The following VTI1A variants were observed in gnomAD, a reference collection of about 807,000 sequenced individuals.
The protein encoded by VTI1A is vesicle transport through interaction with t-SNAREs 1A.
A neutral mutation model predicts 34.9 loss-of-function variants in VTI1A; 22 were observed. That is an observed-to-expected ratio of 0.63 (90% CI 0.45 to 0.90). The LOEUF (loss-of-function observed/expected upper bound fraction) is 0.90, where lower values mean the gene tolerates loss of function less well. Among genes scored for constraint, VTI1A ranks in the 40% least tolerant of loss-of-function variants. VTI1A has a pLI of 0.00. For synonymous variants in VTI1A, 87 were observed against 97.3 expected (o/e 0.89, Z 0.62); for missense variants, 268 against 275.6 (o/e 0.97, Z 0.20).
At chr10:112,765,691 G>C (rs1337775752) in intron 7 of VTI1A, among the ~76,000 whole-genome samples, 2 of 152,196 alleles carry the variant, frequency 1.3e-5, no homozygotes, top group African/African-American at 4.8e-5. Context: ...AAATTTGAAA[G>C]TAATTGTGAT....
chr10:112,792,697 C>A (rs759636439), intron 7 of VTI1A, among the ~76,000 whole-genome samples: 33 of 152,264 alleles, frequency 2.2e-4, no homozygotes, highest in Admixed American at 4.6e-4. Context: ...CAGCCCGTAT[C>A]AATGAAGCCT....
At chr10:112,684,467 C>G (rs1848332422) in intron 7 of VTI1A, among the ~76,000 whole-genome samples, 1 of 126,406 alleles carries the variant, frequency 7.9e-6, no homozygotes, top group Non-Finnish European at 1.6e-5. Context: ...GAGACAGAGT[C>G]TCATTCTGTC....
At chr10:112,719,548 C>CTT (rs759646217) in intron 7 of VTI1A, among the ~76,000 whole-genome samples, 19 of 144,534 alleles carry the variant, frequency 1.3e-4, no homozygotes, top group Non-Finnish European at 2.7e-4. Flanking sequence ...AATTGTAGAA[C>CTT]TTTTTTTTTT....
chr10:112,836,002 T>C, the VTI1A span, among the ~76,000 whole-genome samples: 3 of 152,358 alleles, frequency 2.0e-5, no homozygotes, highest in Non-Finnish European at 4.4e-5. Context: ...TAATGACATT[T>C]GAGCCTGCAA....
chr10:112,668,348 C>G, intron 6 of VTI1A, 60 bp downstream of exon 6: 1 of 1,535,438 alleles, frequency 6.5e-7, no homozygotes, highest in Non-Finnish European at 8.9e-7. Context: ...AAATGAAAGG[C>G]ATTGGGACAT....
At chr10:112,453,052 T>C (rs1239322601) in intron 1 of VTI1A, among the ~76,000 whole-genome samples, 1 of 152,218 alleles carries the variant, frequency 6.6e-6, no homozygotes, top group Non-Finnish European at 1.5e-5. Flanking sequence ...CTCATGGCTA[T>C]GACAGTTTCT....
chr10:112,830,849 A>ATATATATATATATATATATT, the VTI1A span, among the ~76,000 whole-genome samples: 39 of 33,472 alleles, frequency 1.2e-3, no homozygotes, highest in East Asian at 3.0e-3. Flanking sequence ...ATATATATAT[A>ATATATATATATATATATATT]TTTTTTTTTT....
rs138274729 is a variant in VTI1A, at chr10:112,739,795, G to A, written c.560+70797G>A. Among the ~76,000 whole-genome samples, 8 of 152,352 alleles carry A rather than the reference G, an allele frequency of 5.3e-5. No homozygotes were observed. In the East Asian group the frequency reaches 1.5e-3, roughly 29 times the overall value. Reference sequence around the variant, plus strand: ...CTATTGAACTGCCATCCAGATGTGTGTGGAGTTAACTGTGGGAATGTCCAC... The same window carrying A: ...CTATTGAACTGCCATCCAGATGTGTATGGAGTTAACTGTGGGAATGTCCAC... On this transcript the variant is annotated intron_variant, in intron 7 of 7. Transcript: ENST00000393077.
the VTI1A span, among the ~76,000 whole-genome samples, chr10:112,833,855 A>AAGCATTTTT: frequency 2.0e-5 from 3 of 151,822 alleles, no homozygotes; most frequent in African/African-American, 7.3e-5. Flanking sequence ...AAATGCAGTA[A>AAGCATTTTT]CTTCAAATTA....
At chr10:112,810,766 C>G (rs1853252878) in intron 7 of VTI1A, among the ~76,000 whole-genome samples, 1 of 152,214 alleles carries the variant, frequency 6.6e-6, no homozygotes, top group South Asian at 2.1e-4. Flanking sequence ...CACTGTAGAT[C>G]TGCTGTACAC....
rs1001876038 is a variant in VTI1A, at chr10:112,817,211, T to C, written c.*1828T>C. 5.6e-5 allele frequency: 13 copies of C among 232,396 alleles called. No individual in the cohort carries two copies. The highest frequency in any genetic ancestry group is 1.0e-4 in the Non-Finnish European group (12 of 117,554). The allele number at this position is 232,396 out of a possible 1,614,324, so 14.4% of individuals were successfully genotyped here. A position where few individuals can be genotyped will look rare whatever the true frequency, so the allele number is the denominator to read the frequency against. On this transcript the variant is annotated 3_prime_UTR_variant, in exon 8 of 8. Transcript: ENST00000393077. ...GTATTACACCAGCCCCTCTGGTGGC[T>C]TCCTTCAAAACTGTTGATCTTAGCT... is the stretch of plus-strand genomic sequence containing the variant.
chr10:112,687,592 G>A (rs1848463085), intron 7 of VTI1A, among the ~76,000 whole-genome samples: 1 of 151,800 alleles, frequency 6.6e-6, no homozygotes. Flanking sequence ...ACCCAGTTTT[G>A]CTTTAGGGAA....
At chr10:112,842,612 G>T in the VTI1A span, among the ~76,000 whole-genome samples, 6 of 152,276 alleles carry the variant, frequency 3.9e-5, no homozygotes, top group African/African-American at 1.4e-4. Flanking sequence ...CTGTATAAAG[G>T]TCCTTCAGCT....
intron 7 of VTI1A, among the ~76,000 whole-genome samples, chr10:112,676,972 G>A (rs1340536629): frequency 1.3e-5 from 2 of 152,136 alleles, no homozygotes; most frequent in Non-Finnish European, 2.9e-5. Context: ...GCTCTTGCCA[G>A]CATCTCAGTA....
the VTI1A span, among the ~76,000 whole-genome samples, chr10:112,838,226 C>T: frequency 2.0e-5 from 3 of 152,172 alleles, no homozygotes; most frequent in Non-Finnish European, 4.4e-5. Context: ...CCAAGACAGC[C>T]CCAGGTGGCT....
chr10:112,717,378 C>T (rs1849646030), intron 7 of VTI1A, among the ~76,000 whole-genome samples: 1 of 152,134 alleles, frequency 6.6e-6, no homozygotes, highest in African/African-American at 2.4e-5. Context: ...AGCAGTCTCT[C>T]AGGATTTTGG....
intron 7 of VTI1A, among the ~76,000 whole-genome samples, chr10:112,700,512 CTAAG>C (rs1848973314): frequency 6.6e-6 from 1 of 152,200 alleles, no homozygotes. Context: ...GGTGAGGAAA[CTAAG>C]GCCTCAAATG....
At position 112,767,978 on chromosome 10, in the gene VTI1A, T is replaced by A. The variant is rs1438895094; in HGVS notation, c.561-47312T>A. 2.2e-5 allele frequency among the ~76,000 whole-genome samples: 3 copies of A among 135,656 alleles called. No homozygotes were observed. Among genetic ancestry groups the A allele is most frequent in the Non-Finnish European group, 4.7e-5 (3 of 64,186 alleles). 89.0% of individuals were successfully genotyped at this position (135,656 alleles called of 152,430 possible). A position where few individuals can be genotyped will look rare whatever the true frequency, so the allele number is the denominator to read the frequency against. On this transcript the variant is annotated intron_variant, in intron 7 of 7. Coordinates refer to ENST00000393077, the MANE Select transcript of VTI1A (RefSeq NM_145206.4). This position sits in a 1 kb window ranked among gnomAD's most constrained non-coding sequence, Gnocchi z 4.0. ...GTATTACTTCCCCCTTGGATCCTCA[T>A]GCCTTTCCTGGACTTCTGTGCTCCT... is the stretch of plus-strand genomic sequence containing the variant.
chr10:112,801,793 G>A (rs1471929778), intron 7 of VTI1A, among the ~76,000 whole-genome samples: 1 of 152,240 alleles, frequency 6.6e-6, no homozygotes, highest in African/African-American at 2.4e-5. Context: ...CCCTTAAAAG[G>A]CTGAAAGAAA....
Sources: gnomAD v4.1 joint callset for allele counts (sites outside exome capture counted in the v4.1 genomes callset) on GRCh38, gnomAD v4.1.1 for gene constraint, Gnocchi (gnomAD v3.1) non-coding constraint, MANE v1.5 for transcripts, NCBI Gene and HGNC (gene_info 2026-07-23, HGNC 2026-07-21) for gene names.